The following CLIC6 variants were observed in gnomAD, a reference collection of about 807,000 sequenced individuals.
CLIC6 encodes chloride intracellular channel protein 6.
In CLIC6, 39 loss-of-function variants were observed where a neutral mutation model predicts 49.2. The ratio of observed to expected loss-of-function variants is 0.79; its 90% confidence interval spans 0.61 to 1.04. The LOEUF (loss-of-function observed/expected upper bound fraction) is 1.04, where lower values mean the gene tolerates loss of function less well. CLIC6 is among the 50% of genes least tolerant of loss of function. The pLI is 0.00. For missense variants in CLIC6, 988 were observed against 993.1 expected, an observed-to-expected ratio of 0.99 and a Z score of 0.07; for synonymous variants, 446 against 433.4, an observed-to-expected ratio of 1.03 and a Z score of -0.36.
At chr21:34,682,564 CAT>C (rs993886996) in intron 1 of CLIC6, among the ~76,000 whole-genome samples, 3 of 152,198 alleles carry the variant, frequency 2.0e-5, no homozygotes, top group African/African-American at 7.2e-5. Context: ...TTGTCTGTCA[CAT>C]GTGTTCCATA....
intron 1 of CLIC6, among the ~76,000 whole-genome samples, chr21:34,693,213 A>C (rs910569666): frequency 6.6e-6 from 1 of 152,210 alleles, no homozygotes; most frequent in Non-Finnish European, 1.5e-5. Flanking sequence ...AGGGGTTAGA[A>C]AGACCAGCTT....
At chr21:34,712,847 GCCCTAACCCTAACCCTAACCCTAA>G (rs60327192) in intron 5 of CLIC6, among the ~76,000 whole-genome samples, 8 of 149,800 alleles carry the variant, frequency 5.3e-5, no homozygotes, top group Admixed American at 3.3e-4. Flanking sequence ...AGTGGAGGAT[GCCCTAACCCTAACCCTAACCCTAA>G]CCCTAACCCT....
chr21:34,715,470 C>T (rs1250519565), intron 5 of CLIC6, among the ~76,000 whole-genome samples: 1 of 152,128 alleles, frequency 6.6e-6, no homozygotes, highest in African/African-American at 2.4e-5. Flanking sequence ...GGAGAGAGAG[C>T]CTTCCCTAAT....
chr21:34,675,864 CA>C (rs1989659870), intron 1 of CLIC6, among the ~76,000 whole-genome samples: 1 of 152,210 alleles, frequency 6.6e-6, no homozygotes, highest in Admixed American at 6.5e-5. Flanking sequence ...TGTCCCAGCC[CA>C]GTGTCCCTTG....
At chr21:34,679,308 C>T (rs1361772753) in intron 1 of CLIC6, among the ~76,000 whole-genome samples, 1 of 152,162 alleles carries the variant, frequency 6.6e-6, no homozygotes, top group Non-Finnish European at 1.5e-5. Flanking sequence ...CTGGTGAGAA[C>T]TCACTCACTA....
chr21:34,684,427 T>TG (rs1989837629), intron 1 of CLIC6, among the ~76,000 whole-genome samples: 1 of 152,248 alleles, frequency 6.6e-6, no homozygotes, highest in Non-Finnish European at 1.5e-5. Flanking sequence ...GCCATGTGCC[T>TG]GTCTATTTGG....
Position 34,708,789 on chromosome 21 carries a change from A to G in CLIC6, c.1700A>G (p.Lys567Arg), listed in dbSNP as rs1174718904. The change falls in exon 4 of 6, where the codon AAG becomes AGG. Residue 567 changes from lysine (K) to arginine (R), a missense_variant. Coordinates refer to ENST00000349499, the MANE Select transcript of CLIC6 (RefSeq NM_053277.3). Reference protein sequence around the residue: ...AKFSAFIKNTKKDANEIHEKN... With the variant: ...AKFSAFIKNTRKDANEIHEKN... ...TTCTCAGCGTTTATAAAAAACACGA[A>G]GAAGGATGCAAATGAGAGTGAGTAC... 1 of 1,613,260 alleles carries G rather than the reference A, an allele frequency of 6.2e-7. No individual in the cohort carries two copies. Among genetic ancestry groups the G allele is most frequent in the Non-Finnish European group, 8.5e-7 (1 of 1,179,146 alleles).
At position 34,678,971 on chromosome 21, in the gene CLIC6, C is replaced by A. The variant is rs545312713; in HGVS notation, c.1374+8209C>A. The stretch of plus-strand genomic sequence containing the variant: ...CATATCCTCAATGTATTATCTATTT[C>A]TGTGTAACAAATTGTCCCAAGACCT... On this transcript the variant is annotated intron_variant, in intron 1 of 5. Coordinates refer to ENST00000349499, the MANE Select transcript of CLIC6 (RefSeq NM_053277.3). Among the ~76,000 whole-genome samples the A allele has an allele frequency of 1.6e-4, 25 of 152,312 alleles. No homozygotes were observed. In the South Asian group the frequency reaches 4.4e-3, roughly 27 times the overall value.
chr21:34,709,227 C>A, intron 4 of CLIC6, 130 bp from the exon 5 acceptor site: 1 of 715,632 alleles, frequency 1.4e-6, no homozygotes, highest in Non-Finnish European at 2.3e-6. Context: ...CATCCACCTG[C>A]TGCCTTCCCA....
chr21:34,707,436 T>TACACACACAC, intron 2 of CLIC6, 47 bp downstream of exon 2: 1 of 647,958 alleles, frequency 1.5e-6, no homozygotes, highest in Non-Finnish European at 2.4e-6. Flanking sequence ...CCTAGTTCTC[T>TACACACACAC]GCACACACAC....
chr21:34,713,924 C>A (rs1412688731), intron 5 of CLIC6, among the ~76,000 whole-genome samples: 1 of 151,908 alleles, frequency 6.6e-6, no homozygotes, highest in African/African-American at 2.4e-5. Flanking sequence ...TAGAGTAAAG[C>A]CAGTGAAACA....
At position 34,669,261 on chromosome 21, in the gene CLIC6, C is replaced by G. The variant is rs1314301414; in HGVS notation, c.-128C>G. On this transcript the variant is annotated 5_prime_UTR_variant, in exon 1 of 6. Transcript: ENST00000349499. The stretch of plus-strand genomic sequence containing the variant: ...CCCAGTGCCCCGGCTAAACCTTTGC[C>G]GCAGGATCCCGGAGCCGGCGTCCTT... 3 of 776,250 alleles carry G rather than the reference C, an allele frequency of 3.9e-6. No individual in the cohort carries two copies. The highest frequency in any genetic ancestry group is 1.8e-5 in the African/African-American group (1 of 55,664). The allele number at this position is 776,250 out of a possible 1,614,324, so 48.1% of individuals were successfully genotyped here.
chr21:34,704,317 T>C (rs947945031), intron 1 of CLIC6, among the ~76,000 whole-genome samples: 2 of 152,194 alleles, frequency 1.3e-5, no homozygotes, highest in Non-Finnish European at 2.9e-5. Flanking sequence ...CACATTAAAG[T>C]AATAAAATTA....
Position 34,669,710 on chromosome 21 carries a change from G to T in CLIC6, c.322G>T (p.Val108Leu). The part of the protein sequence containing the change: ...GGEETSGAQQ[V>L]EGASPGRGAQ... ...GGAGGAGACAAGCGGCGCGCAGCAG[G>T]TGGAGGGGGCGAGCCCGGGACGCGG... The change falls in exon 1 of 6, where the codon GTG becomes TTG. Residue 108 changes from valine (V) to leucine (L), a missense_variant. Physicochemically the swap from Val to Leu is conservative, Grantham distance 32. Coordinates refer to ENST00000349499, the MANE Select transcript of CLIC6 (RefSeq NM_053277.3). The T allele has an allele frequency of 7.3e-7, 1 of 1,374,650 alleles. No individual in the cohort carries two copies. Among genetic ancestry groups the T allele is most frequent in the Non-Finnish European group, 9.3e-7 (1 of 1,071,998 alleles). The allele number at this position is 1,374,650 out of a possible 1,614,324, so 85.2% of individuals were successfully genotyped here.
chr21:34,672,923 G>A (rs951585952), intron 1 of CLIC6, among the ~76,000 whole-genome samples: 2 of 152,204 alleles, frequency 1.3e-5, no homozygotes, highest in African/African-American at 4.8e-5. Context: ...AATAAGCTTA[G>A]TACACATGTG....
At chr21:34,681,729 T>C (rs1421821896) in intron 1 of CLIC6, among the ~76,000 whole-genome samples, 1 of 152,250 alleles carries the variant, frequency 6.6e-6, no homozygotes, top group Non-Finnish European at 1.5e-5. Context: ...GAAGCCATAA[T>C]GCCTTTTATG....
chr21:34,709,401 T>C lies in CLIC6; in HGVS notation c.1762T>C (p.Tyr588His). The C allele has an allele frequency of 6.2e-7, 1 of 1,614,116 alleles. No individual in the cohort carries two copies. Among genetic ancestry groups the C allele is most frequent in the Non-Finnish European group, 8.5e-7 (1 of 1,180,002 alleles). The stretch of plus-strand genomic sequence containing the variant: ...GAAGGCCCTGAGGAAGCTGGATAAT[T>C]ACTTAAATAGCCCTCTGCCTGATGA... ...LLKALRKLDNYLNSPLPDEID... is the reference protein window; with the variant it reads ...LLKALRKLDNHLNSPLPDEID... The change falls in exon 5 of 6, where the codon TAC becomes CAC. Residue 588 changes from tyrosine to histidine, a missense_variant. Transcript: ENST00000349499.
chr21:34,690,645 C>T (rs548779579), intron 1 of CLIC6, among the ~76,000 whole-genome samples: 6 of 152,074 alleles, frequency 3.9e-5, no homozygotes, highest in Non-Finnish European at 7.3e-5. Flanking sequence ...CCATATGATT[C>T]GCAGCCAGTT....
At chr21:34,680,643 T>A (rs1989760254) in intron 1 of CLIC6, among the ~76,000 whole-genome samples, 1 of 152,206 alleles carries the variant, frequency 6.6e-6, no homozygotes, top group South Asian at 2.1e-4. Flanking sequence ...CCCTAAATTA[T>A]CTCTCTCACA....
Sources: allele counts gnomAD v4.1 joint callset (sites outside exome capture counted in the v4.1 genomes callset), GRCh38; gene constraint gnomAD v4.1.1; transcripts MANE v1.5; gene names NCBI Gene and HGNC (gene_info 2026-07-23, HGNC 2026-07-21).